SEMA3A: variants seen among roughly 807,000 people sequenced by gnomAD.
SEMA3A encodes the protein semaphorin-3A.
SEMA3A carries 29 observed loss-of-function variants against 97.9 expected under a neutral mutation model. The ratio of observed to expected loss-of-function variants is 0.30; its 90% confidence interval spans 0.22 to 0.40. SEMA3A has a LOEUF of 0.40. Ranked by LOEUF, SEMA3A falls within the 10% of genes least tolerant of loss-of-function variation. The pLI is 1.00. For synonymous variants in SEMA3A, 321 were observed against 323.7 expected, an observed-to-expected ratio of 0.99 and a Z score of 0.09; for missense variants, 763 against 951.3, an observed-to-expected ratio of 0.80 and a Z score of 2.60.
At chr7:84,112,226 T>C (rs1209536212) in intron 3 of SEMA3A, among the ~76,000 whole-genome samples, 1 of 152,214 alleles carries the variant, frequency 6.6e-6, no homozygotes, top group Non-Finnish European at 1.5e-5. Context: ...TCATCTCTGA[T>C]TGTGGGCTCA....
intron 13 of SEMA3A, 130 bp downstream of exon 13, chr7:83,985,306 A>G (rs1736776822): frequency 1.5e-6 from 1 of 649,168 alleles, no homozygotes; most frequent in Non-Finnish European, 2.6e-6. Flanking sequence ...TGTAAGAATG[A>G]TATTTGTTTT....
intron 1 of SEMA3A, 124 bp from the exon 2 acceptor site, chr7:84,135,075 G>T: frequency 1.5e-6 from 1 of 652,712 alleles, no homozygotes; most frequent in Non-Finnish European, 2.4e-6. Context: ...TATTCTTCAG[G>T]GTACTAAGAA....
intron 1 of SEMA3A, among the ~76,000 whole-genome samples, chr7:84,397,503 TATATATTAC>T (rs1382696215): frequency 1.3e-5 from 2 of 148,740 alleles, no homozygotes; most frequent in African/African-American, 4.9e-5. Context: ...ATACATGTTA[TATATATTAC>T]ATATATTACA....
intron 3 of SEMA3A, among the ~76,000 whole-genome samples, chr7:84,240,383 C>T (rs1799329350): frequency 6.6e-6 from 1 of 151,856 alleles, no homozygotes; most frequent in African/African-American, 2.4e-5. Context: ...CCTGTTTGGT[C>T]CCTAAATGTC....
chr7:84,202,250 A>C (rs766600451), intron 3 of SEMA3A, among the ~76,000 whole-genome samples: 1 of 152,162 alleles, frequency 6.6e-6, no homozygotes, highest in African/African-American at 2.4e-5. Flanking sequence ...AGTGATAACT[A>C]TGGGAGGAAA....
chr7:84,052,888 G>A (rs146024367), intron 5 of SEMA3A, among the ~76,000 whole-genome samples: 20,143 of 151,330 alleles, frequency 0.13, 1,684 homozygotes, highest in East Asian at 0.37. Flanking sequence ...CTTTGAATGC[G>A]TCCCAGAGAT....
At chr7:84,131,950 C>A (rs1795974875) in intron 2 of SEMA3A, among the ~76,000 whole-genome samples, 1 of 152,056 alleles carries the variant, frequency 6.6e-6, no homozygotes, top group African/African-American at 2.4e-5. Context: ...CCACCATGCC[C>A]AGCTTATCTG....
intron 3 of SEMA3A, among the ~76,000 whole-genome samples, chr7:84,283,235 G>C (rs1800493412): frequency 6.6e-6 from 1 of 151,976 alleles, no homozygotes; most frequent in Non-Finnish European, 1.5e-5. Context: ...CATTCTAGAA[G>C]CAGTATACCG....
At chr7:84,012,760 T>TA (rs1429996159) in intron 7 of SEMA3A, among the ~76,000 whole-genome samples, 1 of 152,186 alleles carries the variant, frequency 6.6e-6, no homozygotes, top group Non-Finnish European at 1.5e-5. Flanking sequence ...AGCAAAGTAA[T>TA]AAATTCTACT....
At chr7:84,084,066 T>C (rs908700274) in intron 4 of SEMA3A, among the ~76,000 whole-genome samples, 1 of 152,054 alleles carries the variant, frequency 6.6e-6, no homozygotes, top group African/African-American at 2.4e-5. Flanking sequence ...ATACAAGCAG[T>C]GGCCAAAAGT....
chr7:83,975,205 C>T (rs1270114735), intron 15 of SEMA3A, among the ~76,000 whole-genome samples: 1 of 152,070 alleles, frequency 6.6e-6, no homozygotes, highest in Non-Finnish European at 1.5e-5. Flanking sequence ...TATATATTTA[C>T]ACTCATAACT....
intron 4 of SEMA3A, among the ~76,000 whole-genome samples, chr7:84,086,618 T>C (rs1794383360): frequency 1.4e-5 from 2 of 142,648 alleles, no homozygotes; most frequent in Admixed American, 7.4e-5. Flanking sequence ...CTCACAATTC[T>C]CACAAAAATA....
intron 3 of SEMA3A, among the ~76,000 whole-genome samples, chr7:84,209,968 T>G (rs2116316160): frequency 6.6e-6 from 1 of 152,324 alleles, no homozygotes. Flanking sequence ...GAAGAAAGTT[T>G]ACTTTTTTTC....
rs76487694 is a variant in SEMA3A at position 84,428,380 on chromosome 7, C to T, written c.-245-56480G>A. On this transcript the variant is annotated intron_variant, in intron 1 of 3. Transcript: ENST00000424555. ...AGTAAAAAACAAGTATATTTTATAT[C>T]GCTAATAAAGTAATATTTCATAATC... Among the ~76,000 whole-genome samples, 2,049 of 151,966 alleles carry T rather than the reference C, an allele frequency of 0.013. 92 individuals are homozygous for T. In the East Asian group the frequency reaches 0.16, roughly 12 times the overall value.
At chr7:84,402,527 A>G (rs1201964689) in intron 1 of SEMA3A, among the ~76,000 whole-genome samples, 3 of 152,208 alleles carry the variant, frequency 2.0e-5, no homozygotes, top group Admixed American at 2.0e-4. Context: ...TCAGTATATC[A>G]AAGAGATATC....
chr7:84,293,891 T>C (rs1800808307), intron 3 of SEMA3A, among the ~76,000 whole-genome samples: 1 of 152,180 alleles, frequency 6.6e-6, no homozygotes, highest in Non-Finnish European at 1.5e-5. Context: ...TGTATACTTA[T>C]ATATCATACA....
At chr7:84,138,585 CCA>C (rs1475846944) in intron 1 of SEMA3A, among the ~76,000 whole-genome samples, 14 of 152,110 alleles carry the variant, frequency 9.2e-5, no homozygotes, top group Admixed American at 7.9e-4. Flanking sequence ...TGAAAACAAA[CCA>C]CAGTTTTAAA....
intron 5 of SEMA3A, among the ~76,000 whole-genome samples, chr7:84,054,736 G>A (rs376091920): frequency 2.7e-5 from 4 of 146,548 alleles, no homozygotes; most frequent in African/African-American, 5.0e-5. Context: ...GCTTTGTTCC[G>A]TTGCTGGTGA....
At chr7:84,196,439 G>A (rs1798234557), upstream of SEMA3A, among the ~76,000 whole-genome samples, 1 of 152,024 alleles carries the variant, frequency 6.6e-6, no homozygotes. Context: ...TGGAGAAGGA[G>A]GAAGAGGAGG....
Sources: gnomAD v4.1 joint callset for allele counts (sites outside exome capture counted in the v4.1 genomes callset) on GRCh38, gnomAD v4.1.1 for gene constraint, MANE v1.5 for transcripts, NCBI Gene and HGNC (gene_info 2026-07-23, HGNC 2026-07-21) for gene names.